RYR3: variants seen among roughly 807,000 people sequenced by gnomAD.
RYR3 encodes brain ryanodine receptor-calcium release channel.
RYR3 carries 207 observed loss-of-function variants against 584.3 expected under a neutral mutation model. The ratio of observed to expected loss-of-function variants is 0.35; its 90% CI spans 0.32 to 0.40. The LOEUF is 0.40. Among genes scored for constraint, RYR3 ranks in the 10% least tolerant of loss-of-function variants. The probability of loss-of-function intolerance (pLI) is 1.00; values close to 1 mark genes in which losing one functional copy is unlikely to be tolerated. For synonymous variants in RYR3, 2,416 were observed against 2,248.5 expected, an observed-to-expected ratio of 1.07 and a Z score of -2.11; for missense variants, 5,616 against 6,089.2, an observed-to-expected ratio of 0.92 and a Z score of 2.59.
chr15:33,426,553 T>C (rs973789772), intron 1 of RYR3, among the ~76,000 whole-genome samples: 1 of 152,216 alleles, frequency 6.6e-6, no homozygotes, highest in African/African-American at 2.4e-5. Flanking sequence ...CAGTTTAATT[T>C]AAAAAACTAC....
At chr15:33,445,664 A>AC (rs2046582595) in intron 1 of RYR3, among the ~76,000 whole-genome samples, 7 of 106,038 alleles carry the variant, frequency 6.6e-5, no homozygotes, top group South Asian at 3.9e-4. Flanking sequence ...TTCCCCCACC[A>AC]ACACACACAC....
chr15:33,613,840 T>C (rs940528682), intron 19 of RYR3, among the ~76,000 whole-genome samples: 5 of 152,222 alleles, frequency 3.3e-5, no homozygotes, highest in Admixed American at 3.3e-4. Flanking sequence ...GATTATCTTT[T>C]ATTCAACAAT....
chr15:33,717,079 A>G (rs1229379671), intron 43 of RYR3, among the ~76,000 whole-genome samples: 6 of 152,196 alleles, frequency 3.9e-5, no homozygotes. Flanking sequence ...CTCTAGACAC[A>G]TGGGCAAAAT....
At chr15:33,463,635 A>G (rs2048223204) in intron 1 of RYR3, among the ~76,000 whole-genome samples, 1 of 152,212 alleles carries the variant, frequency 6.6e-6, no homozygotes, top group African/African-American at 2.4e-5. Flanking sequence ...TTAATTGCAT[A>G]TGTAAACCCT....
intron 18 of RYR3, among the ~76,000 whole-genome samples, chr15:33,609,089 G>A (rs2060045291): frequency 1.3e-5 from 2 of 152,248 alleles, no homozygotes. Context: ...GGACGGGAGA[G>A]AGGACACTGG....
At chr15:33,435,776 C>G (rs1272634606) in intron 1 of RYR3, among the ~76,000 whole-genome samples, 2 of 152,168 alleles carry the variant, frequency 1.3e-5, no homozygotes, top group African/African-American at 4.8e-5. Flanking sequence ...TGTTACAGCT[C>G]TTAAAGGTGG....
chr15:33,739,989 C>G lies in RYR3; in HGVS notation c.7814C>G (p.Thr2605Ser). Residue 2605 changes from threonine (T) to serine (S), a missense_variant, in exon 51 of 104, where the codon ACC (threonine) becomes AGC (serine). Transcript: ENST00000634891. ...AACTTTGACCCAAAACCTATTAACA[C>G]CATGAAGTGAGTCCAGAATCATCTC... ...DGNFDPKPIN[T>S]MNFSLPEKLE... 6.2e-7 allele frequency: 1 copy of G among 1,613,646 alleles called. No individual in the cohort carries two copies. Among genetic ancestry groups the G allele is most frequent in the Non-Finnish European group, 8.5e-7 (1 of 1,179,674 alleles).
intron 53 of RYR3, among the ~76,000 whole-genome samples, 166 bp downstream of exon 53, chr15:33,746,323 C>A (rs2070711063): frequency 6.6e-6 from 1 of 152,210 alleles, no homozygotes; most frequent in South Asian, 2.1e-4. Flanking sequence ...GCCTCAGGAC[C>A]AGTTTCCGAG....
intron 1 of RYR3, among the ~76,000 whole-genome samples, chr15:33,464,487 T>TACACAC (rs1567295589): frequency 1.2e-5 from 1 of 84,712 alleles, no homozygotes; most frequent in African/African-American, 6.6e-5. Flanking sequence ...TATATATATA[T>TACACAC]ATACACATAT....
At chr15:33,736,503 G>C (rs540442497) in intron 49 of RYR3, among the ~76,000 whole-genome samples, 178 bp downstream of exon 49, 2 of 152,224 alleles carry the variant, frequency 1.3e-5, no homozygotes, top group African/African-American at 4.8e-5. Context: ...TGAATGCCGA[G>C]GTTGAAGAAA....
intron 98 of RYR3, among the ~76,000 whole-genome samples, 198 bp from the exon 99 acceptor site, chr15:33,857,582 C>T (rs1156268918): frequency 1.3e-5 from 2 of 152,118 alleles, no homozygotes; most frequent in Non-Finnish European, 2.9e-5. Context: ...CCAGGAAGCC[C>T]GCTTCTCTTT....
intron 3 of RYR3, among the ~76,000 whole-genome samples, chr15:33,529,401 T>G (rs1404846232): frequency 6.6e-6 from 1 of 152,204 alleles, no homozygotes; most frequent in Non-Finnish European, 1.5e-5. Context: ...ACTCCAGGCT[T>G]TGTCCTCCAC....
At chr15:33,556,713 ATTC>A (rs937367758) in intron 10 of RYR3, among the ~76,000 whole-genome samples, 3 of 152,128 alleles carry the variant, frequency 2.0e-5, no homozygotes, top group African/African-American at 7.2e-5. Context: ...GGATTCCAGC[ATTC>A]TTCTTGCCGT....
chr15:33,725,993 A>AAAAAAAAAC lies in RYR3; in HGVS notation c.6913-389_6913-388insAAAACAAAA, dbSNP rs1555427717. Among the ~76,000 whole-genome samples the AAAAAAAAAC allele has an allele frequency of 5.4e-4, 43 of 79,072 alleles. 1 individual carries two copies. Among genetic ancestry groups the AAAAAAAAAC allele is most frequent in the East Asian group, 1.9e-3 (6 of 3,136 alleles). The allele number at this position is 79,072 out of a possible 152,430, so 51.9% of individuals were successfully genotyped here. A position where few individuals can be genotyped will look rare whatever the true frequency, so the allele number is the denominator to read the frequency against. ...CCCCCCCCCAAAAAAAAAAAAAAAAAAAAACAGAATTCTAGAGTCTGGCAT... is the reference window on the plus strand; with the variant it reads ...CCCCCCCCCAAAAAAAAAAAAAAAAAAAAAAAAACAAAACAGAATTCTAGAGTCTGGCAT... On this transcript the variant is annotated intron_variant, in intron 45 of 103. Transcript: ENST00000634891.
intron 1 of RYR3, among the ~76,000 whole-genome samples, chr15:33,404,319 C>T (rs79790920): frequency 0.068 from 10,424 of 152,190 alleles, 405 homozygotes; most frequent in African/African-American, 0.089. Flanking sequence ...TGATTCTAAA[C>T]GATAAACATT....
intron 27 of RYR3, among the ~76,000 whole-genome samples, chr15:33,637,071 C>A (rs1319790442): frequency 6.6e-6 from 1 of 152,206 alleles, no homozygotes; most frequent in Non-Finnish European, 1.5e-5. Context: ...TGAAACCCAA[C>A]CAGAGTTGCA....
intron 16 of RYR3, among the ~76,000 whole-genome samples, chr15:33,598,733 T>A (rs1395418835): frequency 6.8e-6 from 1 of 147,390 alleles, no homozygotes; most frequent in Non-Finnish European, 1.5e-5. Flanking sequence ...CTTGCCTTCC[T>A]GTTGGAAGCA....
chr15:33,839,093 C>A, intron 89 of RYR3, 135 bp downstream of exon 89: 1 of 1,101,872 alleles, frequency 9.1e-7, no homozygotes, highest in Non-Finnish European at 1.3e-6. Flanking sequence ...TGTGATTACG[C>A]TGATCTTATA....
At chr15:33,701,442 G>A (rs2066293657) in intron 42 of RYR3, among the ~76,000 whole-genome samples, 1 of 152,194 alleles carries the variant, frequency 6.6e-6, no homozygotes, top group African/African-American at 2.4e-5. Context: ...GCAGAATACT[G>A]TATAATCAGT....
Sources: allele counts gnomAD v4.1 joint callset (sites outside exome capture counted in the v4.1 genomes callset), GRCh38; gene constraint gnomAD v4.1.1; transcripts MANE v1.5; gene names NCBI Gene and HGNC (gene_info 2026-07-23, HGNC 2026-07-21).